The following UPK1A variants were observed in gnomAD, a reference collection of about 807,000 sequenced individuals.
UPK1A encodes uroplakin 1A, also known as uroplakin-1a.
A neutral mutation model predicts 32.3 loss-of-function variants in UPK1A; 31 were observed. That is an observed-to-expected ratio of 0.96 (90% CI 0.72 to 1.30). The LOEUF (loss-of-function observed/expected upper bound fraction) is 1.30. UPK1A is among the 50% of genes most tolerant of loss of function. UPK1A has a pLI of 0.00. For synonymous variants in UPK1A, 135 were observed against 137.1 expected, an observed-to-expected ratio of 0.98 and a Z score of 0.11; for missense variants, 340 against 357.4, an observed-to-expected ratio of 0.95 and a Z score of 0.39.
At chr19:35,678,049 C>G (rs1278481178) in exon 8 of UPK1A, 1 of 1,548,116 alleles carries the variant, frequency 6.5e-7, no homozygotes, top group Non-Finnish European at 8.7e-7. Flanking sequence ...ACATACACAC[C>G]CCGGACTCCT....
intron 2 of UPK1A, 44 bp downstream of exon 2, chr19:35,666,940 G>C (rs374293776): frequency 8.7e-6 from 14 of 1,604,346 alleles, no homozygotes; most frequent in Non-Finnish European, 1.1e-5. Context: ...TTGTGTGGTG[G>C]GGAGGGGACA....
intron 6 of UPK1A, 126 bp from the exon 7 acceptor site, chr19:35,677,686 A>G: frequency 1.6e-6 from 2 of 1,256,696 alleles, no homozygotes; most frequent in Non-Finnish European, 2.2e-6. Flanking sequence ...CATGGTCCCC[A>G]TTGCACAAGT....
chr19:35,675,057 AAAG>A (rs1350512594), intron 5 of UPK1A, among the ~76,000 whole-genome samples: 13 of 149,138 alleles, frequency 8.7e-5, no homozygotes, highest in East Asian at 2.0e-4. Context: ...AAAAAAAAAA[AAAG>A]AAGAAGAAAT....
At chr19:35,668,624 A>G (rs1599628922) in exon 3 of UPK1A, 3 of 1,612,604 alleles carry the variant, frequency 1.9e-6, no homozygotes, top group South Asian at 2.2e-5. Context: ...TGGGTGCCGC[A>G]CTCTGCCGCC....
intron 6 of UPK1A, 144 bp downstream of exon 6, chr19:35,676,163 T>G: frequency 6.2e-6 from 6 of 960,326 alleles, no homozygotes; most frequent in Non-Finnish European, 9.1e-6. Flanking sequence ...CTGATTTTCT[T>G]GTTTTCTTTT....
At chr19:35,668,318 T>C (rs562772354) in intron 2 of UPK1A, 136 bp from the exon 3 acceptor site, 3 of 1,050,336 alleles carry the variant, frequency 2.9e-6, no homozygotes, top group South Asian at 2.7e-5. Flanking sequence ...TCGCTGCTCA[T>C]GGAAGGCGAG....
chr19:35,673,531 C>T (rs1374365627), exon 5 of UPK1A: 3 of 1,613,446 alleles, frequency 1.9e-6, no homozygotes, highest in Non-Finnish European at 1.7e-6. Context: ...CCTCTGGGAC[C>T]GCGTCATGAT....
intron 3 of UPK1A, among the ~76,000 whole-genome samples, chr19:35,672,792 C>A (rs1312716636): frequency 6.6e-6 from 1 of 152,132 alleles, no homozygotes; most frequent in East Asian, 1.9e-4. Flanking sequence ...GTTGCCCAGG[C>A]TGATCTTGAA....
At chr19:35,668,632 G>C (rs777131853) in exon 3 of UPK1A, 3 of 1,613,312 alleles carry the variant, frequency 1.9e-6, no homozygotes, top group Non-Finnish European at 2.5e-6. Context: ...GCACTCTGCC[G>C]CCGCCGGTCC....
At chr19:35,678,276 A>C in exon 8 of UPK1A, 1 of 394,002 alleles carries the variant, frequency 2.5e-6, no homozygotes, top group Non-Finnish European at 4.6e-6. Flanking sequence ...CCTCCCATTC[A>C]CAGATACCTC....
At chr19:35,672,196 C>A (rs1023585631) in intron 3 of UPK1A, among the ~76,000 whole-genome samples, 27 of 152,252 alleles carry the variant, frequency 1.8e-4, no homozygotes, top group Admixed American at 1.5e-3. Flanking sequence ...CAATCAAGTT[C>A]TTCTATATCT....
At chr19:35,676,148 C>T in intron 6 of UPK1A, 129 bp downstream of exon 6, 1 of 1,052,976 alleles carries the variant, frequency 9.5e-7, no homozygotes, top group Non-Finnish European at 1.4e-6. Flanking sequence ...CTCCTCTTCC[C>T]CTCTCTGATT....
chr19:35,670,051 A>T (rs1968062678), intron 3 of UPK1A, among the ~76,000 whole-genome samples: 1 of 152,164 alleles, frequency 6.6e-6, no homozygotes, highest in Admixed American at 6.6e-5. Flanking sequence ...TCAGGAGCCG[A>T]GGAGGGCGAG....
chr19:35,672,670 C>A (rs1229933818), intron 3 of UPK1A, among the ~76,000 whole-genome samples: 4 of 152,226 alleles, frequency 2.6e-5, no homozygotes, highest in Admixed American at 6.5e-5. Flanking sequence ...TGGGCTCAAA[C>A]GATCCTCCAA....
intron 2 of UPK1A, chr19:35,668,080 G>T (rs1968025540): frequency 9.4e-6 from 3 of 319,970 alleles, no homozygotes; most frequent in South Asian, 6.2e-5. Flanking sequence ...GAGCCACCTT[G>T]CCTGGCCCAT....
At position 35,669,451 on chromosome 19, in the gene UPK1A, G is replaced by A. The variant is rs151267065; in HGVS notation, c.285+797G>A. ...AGGCTGAGGCGGACAGATCATTTGA[G>A]GTCGGGAGTCCAAGACCAGACTGGC... On this transcript the variant is annotated intron_variant, in intron 3 of 7. Coordinates refer to ENST00000617999, the Ensembl canonical transcript of UPK1A. 1.1e-4 allele frequency among the ~76,000 whole-genome samples: 16 copies of A among 151,292 alleles called. No homozygotes were observed. The East Asian group carries it at 2.9e-3, about 28-fold the overall frequency.
At chr19:35,676,118 G>A in intron 6 of UPK1A, 99 bp downstream of exon 6, 2 of 1,335,636 alleles carry the variant, frequency 1.5e-6, no homozygotes, top group East Asian at 2.6e-5. Flanking sequence ...CCCTGTGTCT[G>A]TCCGTCTAGC....
At chr19:35,667,665 T>C (rs1455208340) in intron 2 of UPK1A, among the ~76,000 whole-genome samples, 1 of 151,862 alleles carries the variant, frequency 6.6e-6, no homozygotes, top group Non-Finnish European at 1.5e-5. Flanking sequence ...GGCTACTTTT[T>C]GTATTTTTAG....
exon 7 of UPK1A, chr19:35,677,845 A>C (rs1305140990): frequency 6.2e-7 from 1 of 1,611,710 alleles, no homozygotes; most frequent in African/African-American, 1.3e-5. Context: ...CGCCATCGAC[A>C]GCTACACGTG....
Sources: gnomAD v4.1 joint callset for allele counts (sites outside exome capture counted in the v4.1 genomes callset) on GRCh38, gnomAD v4.1.1 for gene constraint, MANE v1.5 for transcripts, NCBI Gene and HGNC (gene_info 2026-07-23, HGNC 2026-07-21) for gene names.